The following CAPZB variants were observed in gnomAD, a reference collection of about 807,000 sequenced individuals.
The protein encoded by CAPZB is F-actin-capping protein subunit beta.
CAPZB carries 2 observed loss-of-function variants against 38.1 expected under a neutral mutation model. The observed-to-expected ratio is 0.05, with a 90% CI of 0.02 to 0.17. The LOEUF (loss-of-function observed/expected upper bound fraction) is 0.17. Among genes scored for constraint, CAPZB ranks in the 10% least tolerant of loss-of-function variants. The pLI, the probability that CAPZB is intolerant of heterozygous loss-of-function variation, is 1.00. For synonymous variants in CAPZB, 107 were observed against 127.4 expected (o/e 0.84, Z 1.08); for missense variants, 161 against 334.2 (o/e 0.48, Z 4.04).
At chr1:19,344,334 A>G in intron 8 of CAPZB, 24 bp downstream of exon 8, 1 of 1,593,350 alleles carries the variant, frequency 6.3e-7, no homozygotes. Flanking sequence ...CTGCTTCTAA[A>G]GCTTGTGCTT....
At chr1:19,379,057 C>A (rs1267045618) in intron 3 of CAPZB, among the ~76,000 whole-genome samples, 1 of 151,894 alleles carries the variant, frequency 6.6e-6, no homozygotes, top group Non-Finnish European at 1.5e-5. Flanking sequence ...TCTTTCTTAC[C>A]CGCTTTCTCA....
At chr1:19,422,999 G>A (rs183774231) in intron 1 of CAPZB, among the ~76,000 whole-genome samples, 3 of 151,912 alleles carry the variant, frequency 2.0e-5, no homozygotes, top group Non-Finnish European at 4.4e-5. Flanking sequence ...CCCTTCTTCG[G>A]TGCCTGTTCA....
chr1:19,474,770 G>T (rs2094601254), intron 1 of CAPZB, among the ~76,000 whole-genome samples: 1 of 152,196 alleles, frequency 6.6e-6, no homozygotes, highest in Non-Finnish European at 1.5e-5. Context: ...AGCATCTAAA[G>T]GCACCATACT....
At chr1:19,443,504 G>A (rs1180093504) in intron 1 of CAPZB, among the ~76,000 whole-genome samples, 2 of 152,150 alleles carry the variant, frequency 1.3e-5, no homozygotes, top group African/African-American at 2.4e-5. Context: ...CTGGCTTTAG[G>A]GAGACCTCAG....
intron 4 of CAPZB, among the ~76,000 whole-genome samples, chr1:19,376,827 A>G (rs1041733798): frequency 3.3e-5 from 5 of 152,220 alleles, no homozygotes; most frequent in African/African-American, 9.6e-5. Context: ...TGCTGAGTAA[A>G]TAAATCGATG....
intron 1 of CAPZB, among the ~76,000 whole-genome samples, chr1:19,465,656 C>T (rs2094566488): frequency 2.0e-5 from 3 of 152,200 alleles, no homozygotes; most frequent in Middle Eastern, 6.8e-3. Flanking sequence ...GATATAGGCA[C>T]CAAAAGCTTA....
At chr1:19,473,484 C>G (rs1324842388) in intron 1 of CAPZB, among the ~76,000 whole-genome samples, 1 of 152,186 alleles carries the variant, frequency 6.6e-6, no homozygotes, top group Non-Finnish European at 1.5e-5. Flanking sequence ...CAAGAGCAAG[C>G]ACCCTAGAGC....
At chr1:19,423,505 T>A (rs2094409499) in intron 1 of CAPZB, among the ~76,000 whole-genome samples, 1 of 141,438 alleles carries the variant, frequency 7.1e-6, no homozygotes, top group Admixed American at 7.5e-5. Flanking sequence ...TAACAAGCAA[T>A]AGTGAACATT....
intron 1 of CAPZB, among the ~76,000 whole-genome samples, chr1:19,436,616 T>C (rs537226865): frequency 6.6e-4 from 101 of 152,328 alleles, no homozygotes; most frequent in African/African-American, 2.4e-3. Context: ...TAGGGTTCGA[T>C]ATTATCTGTG....
intron 1 of CAPZB, among the ~76,000 whole-genome samples, chr1:19,435,268 C>G (rs1273424821): frequency 6.6e-6 from 1 of 152,194 alleles, no homozygotes; most frequent in Admixed American, 6.5e-5. Flanking sequence ...AAGCTCAAAA[C>G]CTTTCTTTCC....
At chr1:19,405,840 G>GC (rs1463100503) in intron 2 of CAPZB, among the ~76,000 whole-genome samples, 7 of 152,224 alleles carry the variant, frequency 4.6e-5, no homozygotes, top group Admixed American at 4.6e-4. Flanking sequence ...TCGAGAGCTC[G>GC]CCTGAAGGTT....
chr1:19,401,160 C>A (rs2094301222), intron 2 of CAPZB, among the ~76,000 whole-genome samples: 1 of 151,822 alleles, frequency 6.6e-6, no homozygotes, highest in South Asian at 2.1e-4. Context: ...ACAAGCAATT[C>A]CTAAGAGACT....
At chr1:19,428,173 CGGG>C (rs768884809) in intron 1 of CAPZB, among the ~76,000 whole-genome samples, 42 of 152,192 alleles carry the variant, frequency 2.8e-4, no homozygotes, top group Non-Finnish European at 3.1e-4. Flanking sequence ...GAGGTGGAGG[CGGG>C]TGGATCACTT....
intron 2 of CAPZB, among the ~76,000 whole-genome samples, chr1:19,408,472 G>T (rs2100418903): frequency 6.6e-6 from 1 of 151,630 alleles, no homozygotes; most frequent in South Asian, 2.1e-4. Flanking sequence ...TCTGGCTCTA[G>T]TGAGCCACCC....
At chr1:19,441,270 G>T (rs576157062) in intron 1 of CAPZB, among the ~76,000 whole-genome samples, 2 of 152,270 alleles carry the variant, frequency 1.3e-5, no homozygotes, top group East Asian at 1.9e-4. Flanking sequence ...CAGAGGATGG[G>T]GACAGGTGGC....
At chr1:19,397,120 G>GA (rs2094275694) in intron 2 of CAPZB, among the ~76,000 whole-genome samples, 1 of 152,162 alleles carries the variant, frequency 6.6e-6, no homozygotes, top group South Asian at 2.1e-4. Context: ...TCGTTTAAGT[G>GA]AAAAGATACA....
At chr1:19,443,263 G>C (rs1055679989) in intron 1 of CAPZB, among the ~76,000 whole-genome samples, 53 of 151,968 alleles carry the variant, frequency 3.5e-4, no homozygotes, top group African/African-American at 1.3e-3. Context: ...AGGCATGGTA[G>C]CGCGTGCCTG....
At chr1:19,341,229 C>T (rs1026501412) in intron 8 of CAPZB, among the ~76,000 whole-genome samples, 2 of 152,240 alleles carry the variant, frequency 1.3e-5, no homozygotes, top group Non-Finnish European at 2.9e-5. Flanking sequence ...GGCTCTGCGG[C>T]GGCCAAAGGC....
At chr1:19,381,052 C>T (rs1236990848) in intron 3 of CAPZB, among the ~76,000 whole-genome samples, 1 of 151,890 alleles carries the variant, frequency 6.6e-6, no homozygotes, top group Non-Finnish European at 1.5e-5. Context: ...ACCTGTAATC[C>T]CAGCTACTCA....
Sources: allele counts gnomAD v4.1 joint callset (sites outside exome capture counted in the v4.1 genomes callset), GRCh38; gene constraint gnomAD v4.1.1; transcripts MANE v1.5; gene names NCBI Gene and HGNC (gene_info 2026-07-23, HGNC 2026-07-21).